The following ZEB2 variants were observed in gnomAD, a reference collection of about 807,000 sequenced individuals.
The protein encoded by ZEB2 is zinc finger E-box-binding homeobox 2.
A neutral mutation model predicts 99.9 loss-of-function variants in ZEB2; 6 were observed. The ratio of observed to expected loss-of-function variants is 0.06; its 90% confidence interval spans 0.03 to 0.12. The LOEUF (loss-of-function observed/expected upper bound fraction) is 0.12, where lower values mean the gene tolerates loss of function less well. Ranked by LOEUF, ZEB2 falls within the 10% of genes least tolerant of loss-of-function variation. The pLI is 1.00. For missense variants in ZEB2, 969 were observed against 1,502.8 expected (o/e 0.64, Z 5.87); for synonymous variants, 517 against 542.5 (o/e 0.95, Z 0.65).
intron 2 of ZEB2, among the ~76,000 whole-genome samples, chr2:144,481,332 G>T (rs1325390823): frequency 1.3e-5 from 2 of 152,142 alleles, no homozygotes; most frequent in Non-Finnish European, 2.9e-5. Context: ...CCGAGCACAT[G>T]GCCCGGGTGT....
intron 2 of ZEB2, among the ~76,000 whole-genome samples, chr2:144,479,692 G>GGT (rs1189925643): frequency 1.9e-5 from 2 of 104,140 alleles, no homozygotes; most frequent in Non-Finnish European, 4.0e-5. Context: ...TTGGGGGGGG[G>GGT]GGCGGGGGGT....
intron 2 of ZEB2, among the ~76,000 whole-genome samples, chr2:144,509,165 A>G (rs1414119560): frequency 6.6e-6 from 1 of 152,204 alleles, no homozygotes; most frequent in Non-Finnish European, 1.5e-5. Context: ...TGCTGAGCGC[A>G]AGGGGCCAGG....
At position 144,404,123 on chromosome 2, in the gene ZEB2, T is replaced by A; in HGVS notation, c.600A>T (p.Pro200=). Residue 200 remains proline (P), a synonymous_variant, in exon 6 of 10, where the codon CCA becomes CCT. Coordinates refer to ENST00000627532, the MANE Select transcript of ZEB2 (RefSeq NM_014795.4). The part of the protein sequence containing the change: ...EANGQEENDL[P]PGTPDAFAQL... The stretch of plus-strand genomic sequence containing the variant: ...GGGCAAAAGCATCTGGAGTTCCAGG[T>A]GGCAGGTCTGTAGCCGAGAGACAGA... 6.2e-7 allele frequency: 1 copy of A among 1,613,872 alleles called. No homozygotes were observed. The highest frequency in any genetic ancestry group is 8.5e-7 in the Non-Finnish European group (1 of 1,179,980).
At chr2:144,439,697 A>G (rs1292107601) in intron 2 of ZEB2, among the ~76,000 whole-genome samples, 1 of 152,224 alleles carries the variant, frequency 6.6e-6, no homozygotes, top group Non-Finnish European at 1.5e-5. Context: ...AAAGCGAACA[A>G]TTTCTTTCAG....
At chr2:144,443,500 T>A (rs546766171) in intron 2 of ZEB2, among the ~76,000 whole-genome samples, 1 of 152,320 alleles carries the variant, frequency 6.6e-6, no homozygotes, top group South Asian at 2.1e-4. Flanking sequence ...AATGCTACAA[T>A]AACATATTAC....
At chr2:144,492,841 T>G (rs762796950) in intron 2 of ZEB2, among the ~76,000 whole-genome samples, 12 of 152,242 alleles carry the variant, frequency 7.9e-5, no homozygotes, top group Non-Finnish European at 1.6e-4. Context: ...CATATGATAA[T>G]GTATACTGAA....
rs562689506 is a variant in ZEB2, at chr2:144,442,015, C to T, written c.74-11989G>A. The stretch of plus-strand genomic sequence containing the variant: ...GCCCTGGGCAGAAAGAACAGAACCT[C>T]CGTTTCATTAAGATACAGTGGAATG... On this transcript the variant is annotated intron_variant, in intron 2 of 9. Coordinates refer to ENST00000627532, the MANE Select transcript of ZEB2 (RefSeq NM_014795.4). Among the ~76,000 whole-genome samples, 15 of 152,276 alleles carry T rather than the reference C, an allele frequency of 9.9e-5. No individual in the cohort carries two copies. The South Asian group carries it at 3.1e-3, about 32-fold the overall frequency.
intron 4 of ZEB2, among the ~76,000 whole-genome samples, chr2:144,421,541 T>C (rs927778907): frequency 6.6e-6 from 1 of 152,208 alleles, no homozygotes; most frequent in African/African-American, 2.4e-5. Context: ...GTCCAGTGTA[T>C]TTGCTCAGCT....
chr2:144,517,921 A>G, intron 1 of ZEB2: 1 of 343,806 alleles, frequency 2.9e-6, no homozygotes, highest in East Asian at 5.2e-5. Flanking sequence ...GATAATAGTA[A>G]TTATAGGAAG....
chr2:144,477,017 T>C (rs765399809), intron 2 of ZEB2, among the ~76,000 whole-genome samples: 2 of 152,236 alleles, frequency 1.3e-5, no homozygotes, highest in Non-Finnish European at 2.9e-5. Context: ...ATAAATATTG[T>C]TCTTAATAAT....
intron 6 of ZEB2, among the ~76,000 whole-genome samples, 200 bp downstream of exon 6, chr2:144,403,716 T>A (rs879313757): frequency 2.6e-4 from 39 of 152,166 alleles, no homozygotes; most frequent in African/African-American, 9.2e-4. Flanking sequence ...AACACACTCA[T>A]TCGATCGTGA....
chr2:144,398,484 T>C lies in ZEB2; in HGVS notation c.2703A>G (p.Gln901=). 2 of 1,613,980 alleles carry C rather than the reference T, an allele frequency of 1.2e-6. No homozygotes were observed. Among genetic ancestry groups the C allele is most frequent in the Middle Eastern group, 1.7e-4 (1 of 6,000 alleles). Reference sequence around the variant, plus strand: ...TGAAAGTAGCAGGGGGAAATGCGCTTTGAGGTGGAAGAGCTGTGTATAAAG... The same window carrying C: ...TGAAAGTAGCAGGGGGAAATGCGCTCTGAGGTGGAAGAGCTGTGTATAAAG... ...AKPLYTALPP[Q]SAFPPATFMP... Residue 901 remains glutamine, a synonymous_variant, in exon 8 of 10, where the codon CAA becomes CAG. Transcript: ENST00000627532.
chr2:144,453,840 A>T (rs1237052781), intron 2 of ZEB2, among the ~76,000 whole-genome samples: 1 of 152,198 alleles, frequency 6.6e-6, no homozygotes, highest in African/African-American at 2.4e-5. Context: ...TTTAATAGCT[A>T]ATGAGAGAGA....
intron 2 of ZEB2, among the ~76,000 whole-genome samples, chr2:144,510,251 C>T (rs1705012689): frequency 6.6e-6 from 1 of 151,802 alleles, no homozygotes; most frequent in Non-Finnish European, 1.5e-5. Context: ...ATGGGAAAGT[C>T]TTTTCCAGTT....
rs549274652 is a variant in ZEB2, at chr2:144,481,186, G to A, written c.73+36092C>T. ...TTGAAGAGAACTAATTGCTTCAGGCGCTTATGAAAAAATGTTTGCATTTGT... is the reference window on the plus strand; with the variant it reads ...TTGAAGAGAACTAATTGCTTCAGGCACTTATGAAAAAATGTTTGCATTTGT... On this transcript the variant is annotated intron_variant, in intron 2 of 9. Transcript: ENST00000627532. Among the ~76,000 whole-genome samples the A allele has an allele frequency of 2.6e-5, 4 of 152,214 alleles. No individual in the cohort carries two copies. The South Asian group carries it at 8.3e-4, about 32-fold the overall frequency.
At chr2:144,404,791 G>A in intron 5 of ZEB2, 45 bp downstream of exon 5, 2 of 1,597,880 alleles carry the variant, frequency 1.3e-6, no homozygotes, top group African/African-American at 1.3e-5. Flanking sequence ...AATTGTAACA[G>A]CTGCAGAGGT....
intron 2 of ZEB2, among the ~76,000 whole-genome samples, chr2:144,516,912 C>T (rs927822904): frequency 2.6e-5 from 4 of 151,534 alleles, no homozygotes; most frequent in African/African-American, 9.7e-5. Context: ...CCCAGGCGGA[C>T]GCTCCCGAAG....
At chr2:144,424,284 C>A in intron 4 of ZEB2, 1 of 481,596 alleles carries the variant, frequency 2.1e-6, no homozygotes, top group Non-Finnish European at 4.1e-6. Context: ...TAAAAGGGCT[C>A]AAGGATGCAG....
At chr2:144,439,728 C>T (rs1332390589) in intron 2 of ZEB2, among the ~76,000 whole-genome samples, 1 of 152,124 alleles carries the variant, frequency 6.6e-6, no homozygotes, top group African/African-American at 2.4e-5. Flanking sequence ...CCTTTTTGTT[C>T]CTTTCTTGAT....
Sources: gnomAD v4.1 joint callset for allele counts (sites outside exome capture counted in the v4.1 genomes callset) on GRCh38, gnomAD v4.1.1 for gene constraint, MANE v1.5 for transcripts, NCBI Gene and HGNC (gene_info 2026-07-23, HGNC 2026-07-21) for gene names.